EFNA5: variants seen among roughly 807,000 people sequenced by gnomAD.
The protein encoded by EFNA5 is ephrin A5, also known as ephrin-A5.
In EFNA5, 5 loss-of-function variants were observed where a neutral mutation model predicts 22.9. The observed-to-expected ratio is 0.22, with a 90% CI of 0.11 to 0.46. The LOEUF (loss-of-function observed/expected upper bound fraction) is 0.46, where lower values mean the gene tolerates loss of function less well. Ranked by LOEUF, EFNA5 falls within the 20% of genes least tolerant of loss-of-function variation. The pLI, the probability that EFNA5 is intolerant of heterozygous loss-of-function variation, is 0.99. For synonymous variants in EFNA5, 113 were observed against 112.2 expected (o/e 1.01, Z -0.04); for missense variants, 237 against 293.3 (o/e 0.81, Z 1.40).
chr5:107,585,260 A>G (rs940646397), intron 1 of EFNA5, among the ~76,000 whole-genome samples: 2 of 152,188 alleles, frequency 1.3e-5, no homozygotes, highest in Non-Finnish European at 2.9e-5. Flanking sequence ...ATTCTAAGTT[A>G]ACTTCTAGAA....
At chr5:107,402,099 C>A (rs575986614) in intron 2 of EFNA5, among the ~76,000 whole-genome samples, 3 of 152,232 alleles carry the variant, frequency 2.0e-5, no homozygotes, top group Non-Finnish European at 2.9e-5. Flanking sequence ...ATGGTTTCAC[C>A]GACAGGACTC....
At chr5:107,666,386 T>C (rs1471394493) in intron 1 of EFNA5, among the ~76,000 whole-genome samples, 1 of 152,154 alleles carries the variant, frequency 6.6e-6, no homozygotes, top group Non-Finnish European at 1.5e-5. Context: ...CCAGAGGACT[T>C]GGGAGTGTTG....
chr5:107,573,136 T>C (rs1000902181), intron 1 of EFNA5, among the ~76,000 whole-genome samples: 1 of 152,178 alleles, frequency 6.6e-6, no homozygotes, highest in Non-Finnish European at 1.5e-5. Context: ...TTAGTCTCAG[T>C]GAGTTCACCA....
chr5:107,621,974 A>C (rs1174426941), intron 1 of EFNA5, among the ~76,000 whole-genome samples: 1 of 151,536 alleles, frequency 6.6e-6, no homozygotes, highest in African/African-American at 2.4e-5. Flanking sequence ...TGATTTGATC[A>C]TTTTCAGAAC....
At chr5:107,660,261 C>CATATAT (rs56838945) in intron 1 of EFNA5, among the ~76,000 whole-genome samples, 719 of 52,222 alleles carry the variant, frequency 0.014, 41 homozygotes, top group Non-Finnish European at 0.019. Flanking sequence ...ATGGCAAAAA[C>CATATAT]ATATATATAT....
intron 2 of EFNA5, among the ~76,000 whole-genome samples, chr5:107,417,006 G>GAA (rs3839266): frequency 1.1e-4 from 16 of 149,220 alleles, no homozygotes; most frequent in African/African-American, 3.4e-4. Context: ...AAATGTCTGT[G>GAA]AAAAAAAAAA....
chr5:107,480,101 G>T (rs1219173356), intron 1 of EFNA5, among the ~76,000 whole-genome samples: 2 of 152,042 alleles, frequency 1.3e-5, no homozygotes, highest in Admixed American at 6.6e-5. Flanking sequence ...GAGAAAATAA[G>T]AATAATACAT....
At chr5:107,427,853 A>C (rs1204332874) in intron 1 of EFNA5, among the ~76,000 whole-genome samples, 2 of 152,284 alleles carry the variant, frequency 1.3e-5, no homozygotes, top group East Asian at 3.9e-4. Flanking sequence ...TCATTCTTAA[A>C]AATCATATAT....
intron 2 of EFNA5, among the ~76,000 whole-genome samples, chr5:107,390,236 C>T (rs981631005): frequency 6.6e-6 from 1 of 152,158 alleles, no homozygotes; most frequent in East Asian, 1.9e-4. Context: ...TTAAATGTAA[C>T]GTTTAATAAA....
chr5:107,518,690 C>G (rs77605264), intron 1 of EFNA5, among the ~76,000 whole-genome samples: 4,369 of 152,222 alleles, frequency 0.029, 97 homozygotes, highest in Non-Finnish European at 0.046. Flanking sequence ...TCAGCTCCCC[C>G]AAAGCACCCC....
chr5:107,627,062 A>G (rs1478677991), intron 1 of EFNA5, among the ~76,000 whole-genome samples: 4 of 152,236 alleles, frequency 2.6e-5, no homozygotes, highest in Admixed American at 2.6e-4. Context: ...GTTGCTTTCT[A>G]TTAAAAAATA....
rs77630484 is a variant in EFNA5, at chr5:107,386,589, G to A, written c.565+646C>T. Reference sequence around the variant, plus strand: ...TTATCCTTAAAACTTATTTTGCCTCGGTAATCAAGGATCACATTTGGCTCA... The same window carrying A: ...TTATCCTTAAAACTTATTTTGCCTCAGTAATCAAGGATCACATTTGGCTCA... On this transcript the variant is annotated intron_variant, in intron 4 of 4. Transcript: ENST00000333274. Among the ~76,000 whole-genome samples the A allele has an allele frequency of 5.5e-3, 832 of 152,134 alleles. 6 individuals are homozygous for A. Among genetic ancestry groups the A allele is most frequent in the African/African-American group, 0.019 (783 of 41,498 alleles).
chr5:107,484,195 T>G (rs1259761966), intron 1 of EFNA5, among the ~76,000 whole-genome samples: 1 of 152,162 alleles, frequency 6.6e-6, no homozygotes, highest in African/African-American at 2.4e-5. Flanking sequence ...CTTTAGCATC[T>G]ATATCAAGCT....
intron 1 of EFNA5, among the ~76,000 whole-genome samples, chr5:107,489,560 T>C (rs1241499106): frequency 2.0e-5 from 3 of 152,130 alleles, no homozygotes; most frequent in Non-Finnish European, 4.4e-5. Context: ...TTTAGTCCAA[T>C]GTGAACCTAA....
At chr5:107,618,961 G>A (rs187931331) in intron 1 of EFNA5, among the ~76,000 whole-genome samples, 185 of 150,108 alleles carry the variant, frequency 1.2e-3, no homozygotes, top group African/African-American at 4.3e-3. Flanking sequence ...TTGCACTGTC[G>A]CCCAGGCTGG....
At chr5:107,400,638 G>T (rs1748059146) in intron 2 of EFNA5, among the ~76,000 whole-genome samples, 1 of 152,204 alleles carries the variant, frequency 6.6e-6, no homozygotes. Context: ...TTGGCACAAA[G>T]GAGGTACCCA....
chr5:107,437,268 A>G (rs1481766248), intron 1 of EFNA5, among the ~76,000 whole-genome samples: 1 of 152,194 alleles, frequency 6.6e-6, no homozygotes, highest in Non-Finnish European at 1.5e-5. Context: ...AGGGCATGAT[A>G]ATAATAATAA....
intron 1 of EFNA5, among the ~76,000 whole-genome samples, chr5:107,640,695 G>C (rs906625267): frequency 6.6e-6 from 1 of 152,208 alleles, no homozygotes; most frequent in Non-Finnish European, 1.5e-5. Context: ...AGAGGCTAAT[G>C]AAACATTATC....
In EFNA5 at chr5:107,380,781, C is replaced by T. The variant is rs1324056893; in HGVS notation, c.*474G>A. On this transcript the variant is annotated 3_prime_UTR_variant, in exon 5 of 5. Transcript: ENST00000333274. ...TGACATGGTGACATGATGCCCTGCG[C>T]GATCATCTTACAGTTCTGAATGAGA... The T allele has an allele frequency of 3.7e-5, 15 of 400,162 alleles. No homozygotes were observed. Among genetic ancestry groups the T allele is most frequent in the East Asian group, 1.4e-4 (4 of 28,138 alleles). The allele number at this position is 400,162 out of a possible 1,614,324, so 24.8% of individuals were successfully genotyped here. A position where few individuals can be genotyped will look rare whatever the true frequency, so the allele number is the denominator to read the frequency against.
Sources: gnomAD v4.1 joint callset for allele counts (sites outside exome capture counted in the v4.1 genomes callset) on GRCh38, gnomAD v4.1.1 for gene constraint, MANE v1.5 for transcripts, NCBI Gene and HGNC (gene_info 2026-07-23, HGNC 2026-07-21) for gene names.